The following NLGN1 variants were observed in gnomAD, a reference collection of about 807,000 sequenced individuals.
The protein encoded by NLGN1 is neuroligin-1.
Under a neutral mutation model 65.5 loss-of-function variants are expected in NLGN1, and 12 were observed. The observed-to-expected ratio is 0.18, with a 90% confidence interval of 0.12 to 0.30. The LOEUF (loss-of-function observed/expected upper bound fraction) is 0.30, where lower values mean the gene tolerates loss of function less well. Ranked by LOEUF, NLGN1 falls within the 10% of genes least tolerant of loss-of-function variation. NLGN1 has a pLI of 1.00. For synonymous variants in NLGN1, 350 were observed against 359.5 expected, an observed-to-expected ratio of 0.97 and a Z score of 0.30; for missense variants, 750 against 1,007.1, an observed-to-expected ratio of 0.74 and a Z score of 3.46.
intron 3 of NLGN1, among the ~76,000 whole-genome samples, chr3:173,721,225 C>A (rs978261678): frequency 1.3e-5 from 2 of 152,232 alleles, no homozygotes; most frequent in Non-Finnish European, 2.9e-5. Flanking sequence ...CATTATGGCT[C>A]CAGTCACCAG....
chr3:173,587,033 T>TGGC (rs1486814419), intron 2 of NLGN1, among the ~76,000 whole-genome samples: 3 of 152,216 alleles, frequency 2.0e-5, no homozygotes, highest in Admixed American at 6.5e-5. Context: ...ATAGAGAATA[T>TGGC]GGCTGTTGAT....
At chr3:173,568,358 C>T (rs894717178) in intron 2 of NLGN1, among the ~76,000 whole-genome samples, 4 of 151,702 alleles carry the variant, frequency 2.6e-5, no homozygotes, top group African/African-American at 4.8e-5. Context: ...CTCAGCCTCC[C>T]GAGTAGTTGG....
chr3:173,650,862 T>A (rs1253688558), intron 3 of NLGN1, among the ~76,000 whole-genome samples: 1 of 152,138 alleles, frequency 6.6e-6, no homozygotes, highest in East Asian at 1.9e-4. Context: ...GCTTTTATAT[T>A]TGGCAGGACT....
At chr3:174,189,076 C>T (rs1352324266) in intron 4 of NLGN1, among the ~76,000 whole-genome samples, 1 of 151,972 alleles carries the variant, frequency 6.6e-6, no homozygotes, top group Non-Finnish European at 1.5e-5. Flanking sequence ...TGAAGTGCCT[C>T]ATTATCATGC....
rs555922551 is a variant in NLGN1, at chr3:173,464,681, C to T, written c.-321+29603C>T. Among the ~76,000 whole-genome samples, 173 of 152,054 alleles carry T rather than the reference C, an allele frequency of 1.1e-3. 2 individuals carry two copies. The South Asian group carries it at 0.027, about 24-fold the overall frequency. ...AACTCCCGACCTTAGGTGATCTGCC[C>T]GCCTTGGCCTCCCAAAGTGCTGGGA... On this transcript the variant is annotated intron_variant, in intron 2 of 6. Coordinates refer to ENST00000457714, the Ensembl canonical transcript of NLGN1.
chr3:174,054,725 G>A (rs1204424805), intron 4 of NLGN1, among the ~76,000 whole-genome samples: 3 of 152,044 alleles, frequency 2.0e-5, no homozygotes, highest in Admixed American at 1.3e-4. Context: ...TCAAGGCCAT[G>A]ATGATGAGTT....
intron 4 of NLGN1, among the ~76,000 whole-genome samples, chr3:174,252,811 T>C (rs557839800): frequency 1.1e-4 from 16 of 152,266 alleles, no homozygotes; most frequent in African/African-American, 3.6e-4. Context: ...ATTCAGTACA[T>C]AGGCTCCAAA....
intron 3 of NLGN1, among the ~76,000 whole-genome samples, chr3:173,712,907 AAATT>A (rs1350328275): frequency 6.6e-6 from 1 of 152,172 alleles, no homozygotes; most frequent in Non-Finnish European, 1.5e-5. Flanking sequence ...GAGCAAGAAA[AAATT>A]AATAAGGAGA....
At chr3:173,799,416 A>C (rs374972556) in intron 3 of NLGN1, among the ~76,000 whole-genome samples, 6 of 152,088 alleles carry the variant, frequency 3.9e-5, no homozygotes, top group African/African-American at 1.4e-4. Context: ...TGTTAAGTAT[A>C]ATAAAACACT....
intron 1 of NLGN1, among the ~76,000 whole-genome samples, chr3:173,428,781 T>A (rs1353621416): frequency 2.0e-5 from 3 of 152,148 alleles, no homozygotes; most frequent in Admixed American, 6.5e-5. Context: ...AACATTCTTT[T>A]TTTTTCATAT....
chr3:173,850,844 C>CGGAT (rs1326910848), intron 4 of NLGN1, among the ~76,000 whole-genome samples: 7 of 152,066 alleles, frequency 4.6e-5, no homozygotes, highest in African/African-American at 1.7e-4. Context: ...CTCAAGTATC[C>CGGAT]TCCCACCTCA....
chr3:174,125,771 G>T (rs1487948294), intron 4 of NLGN1, among the ~76,000 whole-genome samples: 3 of 152,102 alleles, frequency 2.0e-5, no homozygotes, highest in African/African-American at 7.2e-5. Context: ...AAGAAACCAA[G>T]AGTATTCAAG....
intron 2 of NLGN1, among the ~76,000 whole-genome samples, chr3:173,466,512 C>T (rs1365176636): frequency 6.6e-6 from 1 of 152,122 alleles, no homozygotes; most frequent in Admixed American, 6.6e-5. Context: ...TTGGCTGCAA[C>T]AGAGCGCTGG....
At chr3:174,230,569 CA>C (rs1414078276) in intron 4 of NLGN1, among the ~76,000 whole-genome samples, 1 of 152,084 alleles carries the variant, frequency 6.6e-6, no homozygotes, top group African/African-American at 2.4e-5. Flanking sequence ...AAGATTTATG[CA>C]CAAAAGTATT....
chr3:174,116,131 A>G (rs1304483800), intron 4 of NLGN1, among the ~76,000 whole-genome samples: 1 of 152,112 alleles, frequency 6.6e-6, no homozygotes, highest in Non-Finnish European at 1.5e-5. Context: ...TTTTATAAAT[A>G]CTGAAATAGA....
chr3:173,728,187 G>A (rs1211491226), intron 3 of NLGN1, among the ~76,000 whole-genome samples: 1 of 152,084 alleles, frequency 6.6e-6, no homozygotes, highest in Non-Finnish European at 1.5e-5. Flanking sequence ...AAGAATGGAT[G>A]TGAGAGATGT....
At chr3:173,450,849 C>T (rs1335956400) in intron 2 of NLGN1, among the ~76,000 whole-genome samples, 5 of 152,228 alleles carry the variant, frequency 3.3e-5, no homozygotes, top group South Asian at 4.1e-4. Context: ...TCCAGTTGAT[C>T]GCGTCGGTTA....
chr3:173,443,803 G>C (rs975670747), intron 2 of NLGN1, among the ~76,000 whole-genome samples: 11 of 152,114 alleles, frequency 7.2e-5, no homozygotes, highest in African/African-American at 2.7e-4. Context: ...TTGTAATGCT[G>C]TAAAGAACTT....
intron 2 of NLGN1, among the ~76,000 whole-genome samples, chr3:173,585,256 C>T (rs541689804): frequency 6.6e-6 from 1 of 152,126 alleles, no homozygotes. Flanking sequence ...AAGCTCTCAA[C>T]TTTGCATTGA....
Sources: gnomAD v4.1 joint callset for allele counts (sites outside exome capture counted in the v4.1 genomes callset) on GRCh38, gnomAD v4.1.1 for gene constraint, MANE v1.5 for transcripts, NCBI Gene and HGNC (gene_info 2026-07-23, HGNC 2026-07-21) for gene names.